The following EXTL3 variants were observed in gnomAD, a reference collection of about 807,000 sequenced individuals.
The protein encoded by EXTL3 is exostosin-like 3.
EXTL3 carries 27 observed loss-of-function variants against 69.3 expected under a neutral mutation model. That is an observed-to-expected ratio of 0.39 (90% CI 0.29 to 0.54). The LOEUF is 0.54. Among genes scored for constraint, EXTL3 ranks in the 20% least tolerant of loss-of-function variants. EXTL3 has a pLI of 0.69. For synonymous variants in EXTL3, 511 were observed against 499.4 expected, an observed-to-expected ratio of 1.02 and a Z score of -0.31; for missense variants, 1,003 against 1,231.8, an observed-to-expected ratio of 0.81 and a Z score of 2.78.
At chr8:28,728,844 A>G (rs141921791) in intron 3 of EXTL3, among the ~76,000 whole-genome samples, 31 of 152,198 alleles carry the variant, frequency 2.0e-4, no homozygotes, top group African/African-American at 7.5e-4. Flanking sequence ...GTGAGCTATG[A>G]TAGCACCATT....
intron 6 of EXTL3, among the ~76,000 whole-genome samples, chr8:28,748,898 C>T (rs1801946024): frequency 6.6e-6 from 1 of 152,000 alleles, no homozygotes; most frequent in African/African-American, 2.4e-5. Flanking sequence ...TTCTTGAGGC[C>T]AGGAGTTCCA....
intron 2 of EXTL3, among the ~76,000 whole-genome samples, chr8:28,714,510 G>A (rs1053531088): frequency 1.3e-5 from 2 of 152,014 alleles, no homozygotes; most frequent in Admixed American, 1.3e-4. Flanking sequence ...TATCTCTTAG[G>A]GTAAGGGAAG....
chr8:28,655,522 C>T (rs1311476645), intron 1 of EXTL3, among the ~76,000 whole-genome samples: 1 of 145,362 alleles, frequency 6.9e-6, no homozygotes, highest in Non-Finnish European at 1.5e-5. Context: ...CAGCGTCTCA[C>T]ACCTGTTGCA....
At chr8:28,685,045 G>A (rs1366178262) in intron 1 of EXTL3, among the ~76,000 whole-genome samples, 1 of 111,644 alleles carries the variant, frequency 9.0e-6, no homozygotes, top group Non-Finnish European at 2.0e-5. Context: ...TCTGTCTCCT[G>A]GGTTCAAGCG....
At chr8:28,643,880 CT>C (rs1246053365) in intron 1 of EXTL3, among the ~76,000 whole-genome samples, 1 of 152,174 alleles carries the variant, frequency 6.6e-6, no homozygotes, top group Non-Finnish European at 1.5e-5. Flanking sequence ...AACCTCCCCC[CT>C]GAGCCTCCTG....
intron 5 of EXTL3, chr8:28,741,337 A>G (rs980999169): frequency 1.3e-5 from 2 of 152,206 alleles, no homozygotes; most frequent in Non-Finnish European, 2.9e-5. Context: ...ATTTCTTTCA[A>G]GACGTGTTAT....
chr8:28,616,584 G>A (rs1235457685), intron 2 of EXTL3, among the ~76,000 whole-genome samples: 3 of 151,782 alleles, frequency 2.0e-5, no homozygotes, highest in Non-Finnish European at 4.4e-5. Context: ...CCGAGATCAT[G>A]CCACTGCACT....
chr8:28,640,424 A>C (rs910665993), intron 1 of EXTL3, among the ~76,000 whole-genome samples: 2 of 152,146 alleles, frequency 1.3e-5, no homozygotes, highest in African/African-American at 4.8e-5. Context: ...TCTAGCACTA[A>C]TTCACTTCAT....
rs1801980931 is a variant in EXTL3, at chr8:28,750,532, G to A, written c.2551-125G>A. ...GCTCTGGTTCCTGCCATGCTCTGCA[G>A]GGATGTTGCCCCTGAGGGGATCAGC... On this transcript the variant is annotated intron_variant, in intron 6 of 6. Coordinates refer to ENST00000220562, the MANE Select transcript of EXTL3 (RefSeq NM_001440.4). The surrounding 1 kb of genome is among the most constrained non-coding windows in gnomAD (Gnocchi z 5.2). The A allele has an allele frequency of 1.3e-6, 1 of 792,630 alleles. No homozygotes were observed. Among genetic ancestry groups the A allele is most frequent in the African/African-American group, 1.7e-5 (1 of 59,142 alleles). 49.1% of individuals were successfully genotyped at this position (792,630 alleles called of 1,614,324 possible).
intron 1 of EXTL3, among the ~76,000 whole-genome samples, chr8:28,693,610 A>G (rs923738323): frequency 3.3e-5 from 5 of 152,222 alleles, no homozygotes; most frequent in African/African-American, 1.2e-4. Flanking sequence ...CTTGAAACTG[A>G]TATTAACTCA....
chr8:28,712,558 A>G (rs1801052157), intron 1 of EXTL3, among the ~76,000 whole-genome samples: 3 of 152,226 alleles, frequency 2.0e-5, no homozygotes, highest in Admixed American at 2.0e-4. Context: ...TTTCAGTGAC[A>G]TTTATTTCTA....
At position 28,671,573 on chromosome 8, in the gene EXTL3, C is replaced by A. The variant is rs76162985; in HGVS notation, c.-52-41884C>A. Among the ~76,000 whole-genome samples, 318 of 151,790 alleles carry A rather than the reference C, an allele frequency of 2.1e-3. 7 individuals carry two copies. In the East Asian group the frequency reaches 0.052, roughly 25 times the overall value. Reference sequence around the variant, plus strand: ...CAGGCTGGTCTTGAACTCCTGACCTCAGGTGGTCACCTGCTTTCGCCTCCC... The same window carrying A: ...CAGGCTGGTCTTGAACTCCTGACCTAAGGTGGTCACCTGCTTTCGCCTCCC... On this transcript the variant is annotated intron_variant, in intron 1 of 6. Coordinates refer to the EXTL3 transcript ENST00000523149.
At chr8:28,744,637 A>G (rs1394383057) in intron 6 of EXTL3, among the ~76,000 whole-genome samples, 1 of 152,176 alleles carries the variant, frequency 6.6e-6, no homozygotes, top group East Asian at 1.9e-4. Context: ...TACTAAAAAT[A>G]TAAAAAATTA....
chr8:28,708,118 T>C (rs573163168), intron 1 of EXTL3, among the ~76,000 whole-genome samples: 1 of 152,320 alleles, frequency 6.6e-6, no homozygotes, highest in East Asian at 1.9e-4. Flanking sequence ...AAAGAATAAA[T>C]TGTTTTCCCT....
downstream of EXTL3, among the ~76,000 whole-genome samples, chr8:28,755,881 A>G (rs1222424718): frequency 1.3e-5 from 2 of 152,196 alleles, no homozygotes; most frequent in Admixed American, 1.3e-4. Flanking sequence ...AATCATTTCT[A>G]GGGCATAAAT....
In EXTL3 at chr8:28,691,572, A is replaced by ATTTTTTTTTTTT. The variant is rs71222571; in HGVS notation, c.-52-21884_-52-21873dup. Reference sequence around the variant, plus strand: ...TGGTAAATATTTATCAGTTTTTGTGATTTTTTTTTTTTGCTATTGTGTTCC... The same window carrying ATTTTTTTTTTTT: ...TGGTAAATATTTATCAGTTTTTGTGATTTTTTTTTTTTTTTTTTTTTTTTGCTATTGTGTTCC... On this transcript the variant is annotated intron_variant, in intron 1 of 6. Coordinates refer to the EXTL3 transcript ENST00000523149. Among the ~76,000 whole-genome samples, 288 of 135,394 alleles carry ATTTTTTTTTTTT rather than the reference A, an allele frequency of 2.1e-3. 13 individuals carry two copies. Among genetic ancestry groups the ATTTTTTTTTTTT allele is most frequent in the Admixed American group, 3.5e-3 (49 of 14,028 alleles). 88.8% of individuals were successfully genotyped at this position (135,394 alleles called of 152,430 possible). A position where few individuals can be genotyped will look rare whatever the true frequency, so the allele number is the denominator to read the frequency against.
rs1013424713 is a variant in EXTL3 at position 28,750,131 on chromosome 8, A to G, written c.2551-526A>G. 6.6e-6 allele frequency among the ~76,000 whole-genome samples: 1 copy of G among 152,088 alleles called. No homozygotes were observed. Among genetic ancestry groups the G allele is most frequent in the African/African-American group, 2.4e-5 (1 of 41,412 alleles). ...CCTCTTCATACTTTTTTAGTTAGAC[A>G]TTTTCTAATTAATAATAATATGACT... On this transcript the variant is annotated intron_variant, in intron 6 of 6. Transcript: ENST00000220562. This position sits in a 1 kb window ranked among gnomAD's most constrained non-coding sequence, Gnocchi z 5.2.
intron 1 of EXTL3, among the ~76,000 whole-genome samples, chr8:28,711,941 G>T (rs1336340571): frequency 1.3e-5 from 2 of 152,192 alleles, no homozygotes; most frequent in Non-Finnish European, 2.9e-5. Flanking sequence ...AGTGTTTACA[G>T]TGTGCTGGAC....
At chr8:28,748,087 A>G (rs950812411) in intron 6 of EXTL3, among the ~76,000 whole-genome samples, 2 of 152,166 alleles carry the variant, frequency 1.3e-5, no homozygotes, top group Admixed American at 1.3e-4. Context: ...AAAACTTGAC[A>G]GTAGGCTGGG....
Sources: gnomAD v4.1 joint callset for allele counts (sites outside exome capture counted in the v4.1 genomes callset) on GRCh38, gnomAD v4.1.1 for gene constraint, Gnocchi (gnomAD v3.1) non-coding constraint, MANE v1.5 for transcripts, NCBI Gene and HGNC (gene_info 2026-07-23, HGNC 2026-07-21) for gene names.